The following POC1B variants were observed in gnomAD, a reference collection of about 807,000 sequenced individuals.
POC1B encodes POC1 centriolar protein B, also known as POC1 centriolar protein homolog B.
In POC1B, 44 loss-of-function variants were observed where a neutral mutation model predicts 60.6. The ratio of observed to expected loss-of-function variants is 0.73; its 90% CI spans 0.57 to 0.93. The LOEUF is 0.93. POC1B is among the 40% of genes least tolerant of loss of function. POC1B has a pLI of 0.00. For missense variants in POC1B, 555 were observed against 572.3 expected (o/e 0.97, Z 0.31); for synonymous variants, 180 against 198.9 (o/e 0.90, Z 0.80).
chr12:89,431,161 T>C (rs2120677452), intron 10 of POC1B, among the ~76,000 whole-genome samples: 1 of 152,252 alleles, frequency 6.6e-6, no homozygotes, highest in South Asian at 2.1e-4. Context: ...GAACTTTAGA[T>C]ATACATTCAA....
At chr12:89,501,992 A>G in intron 2 of POC1B, 1 of 972,810 alleles carries the variant, frequency 1.0e-6, no homozygotes, top group Non-Finnish European at 1.7e-6. Context: ...AAGAGGAAAA[A>G]TCTGGATTGT....
chr12:89,412,837 TCCTTCCTTCCTTTCCTTCCTCCCTC>T, the POC1B span, among the ~76,000 whole-genome samples: 2 of 125,338 alleles, frequency 1.6e-5, no homozygotes, highest in African/African-American at 7.4e-5. Context: ...CTTCCTTCCT[TCCTTCCTTCCTTTCCTTCCTCCCTC>T]CCTTCCTTCC....
intron 1 of POC1B, chr12:89,525,608 C>A (rs1871402297): frequency 1.6e-5 from 21 of 1,287,464 alleles, no homozygotes; most frequent in Non-Finnish European, 2.1e-5. Flanking sequence ...CACGGAAACC[C>A]TCCGAGAATT....
chr12:89,518,349 G>C (rs541979306), intron 2 of POC1B, among the ~76,000 whole-genome samples: 1 of 152,158 alleles, frequency 6.6e-6, no homozygotes, highest in East Asian at 1.9e-4. Context: ...TCTTAATTCT[G>C]CAAATTACAC....
intron 4 of POC1B, among the ~76,000 whole-genome samples, chr12:89,479,576 A>G (rs201924988): frequency 7.2e-6 from 1 of 138,502 alleles, no homozygotes; most frequent in Non-Finnish European, 1.5e-5. Flanking sequence ...ACCTTTGTTA[A>G]ATTAGATTAT....
chr12:89,525,244 A>G, intron 1 of POC1B, 40 bp from the exon 2 acceptor site: 2 of 1,584,720 alleles, frequency 1.3e-6, no homozygotes. Flanking sequence ...GCCGCCGCAG[A>G]CCTCGAATTC....
chr12:89,464,567 A>T (rs1882609354), intron 9 of POC1B, among the ~76,000 whole-genome samples: 1 of 136,456 alleles, frequency 7.3e-6, no homozygotes, highest in South Asian at 2.2e-4. Flanking sequence ...GGCTCACTAC[A>T]ACCTCCGCCT....
downstream of POC1B, among the ~76,000 whole-genome samples, chr12:89,414,817 C>CA (rs1175546599): frequency 6.6e-6 from 1 of 152,130 alleles, no homozygotes. Flanking sequence ...GTTTATCTTC[C>CA]AATCCTCTTA....
chr12:89,454,635 C>CA (rs1199240001), intron 10 of POC1B, among the ~76,000 whole-genome samples: 2 of 152,206 alleles, frequency 1.3e-5, no homozygotes, highest in Non-Finnish European at 2.9e-5. Context: ...GCTCTTTACT[C>CA]AAATGCCACC....
chr12:89,430,592 C>T (rs112971434), intron 10 of POC1B, among the ~76,000 whole-genome samples: 3,053 of 152,186 alleles, frequency 0.02, 45 homozygotes, highest in Non-Finnish European at 0.026. Flanking sequence ...CTCCTTCTAC[C>T]ACCACCCTTT....
At chr12:89,412,948 A>C in the POC1B span, among the ~76,000 whole-genome samples, 37 of 148,110 alleles carry the variant, frequency 2.5e-4, no homozygotes, top group Non-Finnish European at 4.7e-4. Context: ...CCCAGGCTGG[A>C]GTGCAAGTAG....
the POC1B span, among the ~76,000 whole-genome samples, chr12:89,402,669 A>G: frequency 1.3e-5 from 2 of 152,162 alleles, no homozygotes; most frequent in African/African-American, 4.8e-5. Context: ...AATGGCCTCC[A>G]GTTTCATCCA....
chr12:89,504,104 T>C (rs1384099455), intron 2 of POC1B, among the ~76,000 whole-genome samples: 1 of 138,814 alleles, frequency 7.2e-6, no homozygotes, highest in African/African-American at 2.7e-5. Flanking sequence ...ATCTGGGAGG[T>C]GTACCCAACA....
At chr12:89,506,746 C>T (rs1427845857) in intron 2 of POC1B, among the ~76,000 whole-genome samples, 1 of 152,116 alleles carries the variant, frequency 6.6e-6, no homozygotes, top group African/African-American at 2.4e-5. Flanking sequence ...TGCAACTGTA[C>T]AGGAGGTATG....
intron 4 of POC1B, among the ~76,000 whole-genome samples, chr12:89,482,430 C>A (rs1868399134): frequency 6.6e-6 from 1 of 151,972 alleles, no homozygotes; most frequent in Admixed American, 6.6e-5. Flanking sequence ...GAAGAAAGAA[C>A]AACAATTTTT....
chr12:89,514,268 C>T (rs1435269735), intron 2 of POC1B, among the ~76,000 whole-genome samples: 2 of 152,044 alleles, frequency 1.3e-5, no homozygotes, highest in African/African-American at 4.8e-5. Context: ...GTAAGATGTG[C>T]CTGCTTCTCC....
intron 3 of POC1B, 159 bp downstream of exon 3, chr12:89,497,012 A>G: frequency 1.3e-6 from 1 of 745,252 alleles, no homozygotes. Context: ...TTGAGGAAAA[A>G]AATTGTATGA....
intron 2 of POC1B, chr12:89,500,000 G>GTT (rs1869468652): frequency 1.2e-6 from 1 of 862,088 alleles, no homozygotes; most frequent in African/African-American, 1.7e-5. Flanking sequence ...CCGCCTGGTA[G>GTT]TCCGGCGATT....
At chr12:89,511,331 G>A (rs568779033) in intron 2 of POC1B, among the ~76,000 whole-genome samples, 19 of 150,986 alleles carry the variant, frequency 1.3e-4, no homozygotes, top group Admixed American at 2.0e-4. Context: ...CAGGGGAATC[G>A]CTTGACTCCG....
Sources: gnomAD v4.1 joint callset for allele counts (sites outside exome capture counted in the v4.1 genomes callset) on GRCh38, gnomAD v4.1.1 for gene constraint, MANE v1.5 for transcripts, NCBI Gene and HGNC (gene_info 2026-07-23, HGNC 2026-07-21) for gene names.